FAM135B: variants seen among roughly 807,000 people sequenced by gnomAD.
FAM135B encodes family with sequence similarity 135 member B, also known as protein FAM135B.
In FAM135B, 43 loss-of-function variants were observed where a neutral mutation model predicts 127.7. The ratio of observed to expected loss-of-function variants is 0.34; its 90% confidence interval spans 0.26 to 0.43. FAM135B has a LOEUF of 0.43. Among genes scored for constraint, FAM135B ranks in the 20% least tolerant of loss-of-function variants. The probability of loss-of-function intolerance (pLI) is 1.00; values close to 1 mark genes in which losing one functional copy is unlikely to be tolerated. For missense variants in FAM135B, 1,558 were observed against 1,725.6 expected (o/e 0.90, Z 1.72); for synonymous variants, 670 against 665.1 (o/e 1.01, Z -0.11).
At chr8:138,389,709 T>G (rs537283683) in intron 1 of FAM135B, among the ~76,000 whole-genome samples, 2 of 152,312 alleles carry the variant, frequency 1.3e-5, no homozygotes, top group African/African-American at 4.8e-5. Flanking sequence ...CCTTCTGAGA[T>G]GATGAAATAT....
chr8:138,307,224 T>A (rs1447330382), intron 3 of FAM135B, among the ~76,000 whole-genome samples: 1 of 152,126 alleles, frequency 6.6e-6, no homozygotes, highest in Non-Finnish European at 1.5e-5. Flanking sequence ...GAGATCTGAG[T>A]TTTAAAAAGA....
At chr8:138,285,299 A>G (rs1586967026) in intron 3 of FAM135B, among the ~76,000 whole-genome samples, 1 of 152,092 alleles carries the variant, frequency 6.6e-6, no homozygotes, top group East Asian at 1.9e-4. Context: ...GGCACCCATC[A>G]ACATGCCCGG....
chr8:138,243,310 G>A lies in FAM135B; in HGVS notation c.543-242C>T, dbSNP rs975222616. Among the ~76,000 whole-genome samples, 2 of 152,136 alleles carry A rather than the reference G, an allele frequency of 1.3e-5. No individual in the cohort carries two copies. Among genetic ancestry groups the A allele is most frequent in the South Asian group, 2.1e-4 (1 of 4,814 alleles). On this transcript the variant is annotated intron_variant, in intron 6 of 19. Transcript: ENST00000395297. This position sits in a 1 kb window ranked among gnomAD's most constrained non-coding sequence, Gnocchi z 7.5. Reference sequence around the variant, plus strand: ...CATCCTACAATGTGTGCATGTAAATGCCCACCCTAAATGCCAACAACATAC... The same window carrying A: ...CATCCTACAATGTGTGCATGTAAATACCCACCCTAAATGCCAACAACATAC...
At chr8:138,294,612 A>C in intron 3 of FAM135B, among the ~76,000 whole-genome samples, 1 of 152,284 alleles carries the variant, frequency 6.6e-6, no homozygotes, top group African/African-American at 2.4e-5. Context: ...AGGTAATTTA[A>C]AAGGTTTAGC....
chr8:138,292,160 C>T (rs1286537146), intron 3 of FAM135B, among the ~76,000 whole-genome samples: 1 of 151,890 alleles, frequency 6.6e-6, no homozygotes, highest in African/African-American at 2.4e-5. Context: ...TAAAGCAATC[C>T]CATGTATAGT....
At chr8:138,280,833 G>A (rs1478745939) in intron 3 of FAM135B, among the ~76,000 whole-genome samples, 1 of 152,184 alleles carries the variant, frequency 6.6e-6, no homozygotes, top group African/African-American at 2.4e-5. Flanking sequence ...AGTGACAGGA[G>A]GGTTTTTTGG....
At chr8:138,418,790 T>C (rs916889943) in intron 1 of FAM135B, among the ~76,000 whole-genome samples, 5 of 152,016 alleles carry the variant, frequency 3.3e-5, no homozygotes, top group African/African-American at 1.2e-4. Context: ...ATCTTAGTGT[T>C]TGCTGATCTG....
chr8:138,279,828 A>G (rs1431603849), intron 3 of FAM135B, among the ~76,000 whole-genome samples: 1 of 152,176 alleles, frequency 6.6e-6, no homozygotes, highest in Non-Finnish European at 1.5e-5. Context: ...ATAGACATTA[A>G]GCAATCACTT....
rs141863008 is a variant in FAM135B, at chr8:138,169,042, A to G, written c.1104-993T>C. ...AGACTCAAAGCAAATTCTCAAACTC[A>G]GCATTCTCAGTAACAGATGCAATGA... On this transcript the variant is annotated intron_variant, in intron 11 of 19. Transcript: ENST00000395297. 5.3e-3 allele frequency among the ~76,000 whole-genome samples: 809 copies of G among 152,296 alleles called. 6 individuals carry two copies. Among genetic ancestry groups the G allele is most frequent in the African/African-American group, 0.018 (737 of 41,558 alleles).
At chr8:138,425,124 C>T (rs1834765479) in intron 1 of FAM135B, among the ~76,000 whole-genome samples, 1 of 152,162 alleles carries the variant, frequency 6.6e-6, no homozygotes, top group African/African-American at 2.4e-5. Flanking sequence ...ATAATGTGTA[C>T]AAGCATTATA....
intron 4 of FAM135B, among the ~76,000 whole-genome samples, chr8:138,263,094 T>A (rs1053127863): frequency 6.6e-6 from 1 of 151,938 alleles, no homozygotes; most frequent in African/African-American, 2.4e-5. Context: ...GCAAATGGTA[T>A]GCTGGCAAAG....
intron 3 of FAM135B, among the ~76,000 whole-genome samples, chr8:138,296,796 T>C (rs533931975): frequency 6.6e-6 from 1 of 152,326 alleles, no homozygotes; most frequent in African/African-American, 2.4e-5. Flanking sequence ...GGGTAACTAT[T>C]TCTCTTGCTA....
chr8:138,481,237 T>C (rs1162773027), intron 1 of FAM135B, among the ~76,000 whole-genome samples: 1 of 152,240 alleles, frequency 6.6e-6, no homozygotes, highest in African/African-American at 2.4e-5. Flanking sequence ...TCAGGCACTT[T>C]GTTAAGTCTG....
At chr8:138,337,936 G>A (rs111285653) in intron 2 of FAM135B, among the ~76,000 whole-genome samples, 1 of 151,832 alleles carries the variant, frequency 6.6e-6, no homozygotes, top group Non-Finnish European at 1.5e-5. Flanking sequence ...ACAGAAGAGA[G>A]CCCTCAGAAA....
chr8:138,419,777 G>C (rs554607209), intron 1 of FAM135B, among the ~76,000 whole-genome samples: 1 of 152,182 alleles, frequency 6.6e-6, no homozygotes, highest in Admixed American at 6.5e-5. Context: ...AATTAAGACA[G>C]AAATCAATGT....
intron 1 of FAM135B, among the ~76,000 whole-genome samples, chr8:138,447,212 G>C (rs575030565): frequency 1.3e-5 from 2 of 152,300 alleles, no homozygotes; most frequent in African/African-American, 2.4e-5. Context: ...TGGTGGGACT[G>C]TAAACTAGTT....
chr8:138,261,390 T>G (rs1364758011), intron 4 of FAM135B, among the ~76,000 whole-genome samples: 1 of 152,218 alleles, frequency 6.6e-6, no homozygotes, highest in Non-Finnish European at 1.5e-5. Context: ...ATTTTGTTGT[T>G]AATAATTGTA....
intron 1 of FAM135B, among the ~76,000 whole-genome samples, chr8:138,472,046 ATG>A (rs1837703927): frequency 1.3e-5 from 2 of 152,134 alleles, no homozygotes; most frequent in South Asian, 4.1e-4. Context: ...GCAAAAGGGC[ATG>A]TTCAGTGGGA....
At chr8:138,442,854 C>A (rs1365040418) in intron 1 of FAM135B, among the ~76,000 whole-genome samples, 1 of 152,096 alleles carries the variant, frequency 6.6e-6, no homozygotes, top group Non-Finnish European at 1.5e-5. Context: ...ACAAGGACAG[C>A]AATGGAGTTT....
Sources: gnomAD v4.1 joint callset for allele counts (sites outside exome capture counted in the v4.1 genomes callset) on GRCh38, gnomAD v4.1.1 for gene constraint, Gnocchi (gnomAD v3.1) non-coding constraint, MANE v1.5 for transcripts, NCBI Gene and HGNC (gene_info 2026-07-23, HGNC 2026-07-21) for gene names.